CATSPERB: variants seen among roughly 807,000 people sequenced by gnomAD.
CATSPERB encodes the protein catsper channel auxiliary subunit beta.
Under a neutral mutation model 128.3 loss-of-function variants are expected in CATSPERB, and 93 were observed. The observed-to-expected ratio is 0.72, with a 90% confidence interval of 0.61 to 0.86. The LOEUF (loss-of-function observed/expected upper bound fraction) is 0.86. Ranked by LOEUF, CATSPERB falls within the 40% of genes least tolerant of loss-of-function variation. CATSPERB has a pLI of 0.00. For synonymous variants in CATSPERB, 381 were observed against 448.8 expected (o/e 0.85, Z 1.91); for missense variants, 1,153 against 1,329.5 (o/e 0.87, Z 2.06).
At chr14:91,626,707 C>T (rs1894171831) in intron 17 of CATSPERB, among the ~76,000 whole-genome samples, 1 of 152,092 alleles carries the variant, frequency 6.6e-6, no homozygotes. Flanking sequence ...TGTGGGCCCC[C>T]CAGTCTTGGA....
At chr14:91,604,802 G>A (rs1893669483) in intron 22 of CATSPERB, 4 of 1,605,278 alleles carry the variant, frequency 2.5e-6, no homozygotes, top group Non-Finnish European at 3.4e-6. Flanking sequence ...GCTGGGGTAG[G>A]TAGGTGCTGA....
chr14:91,731,659 C>G (rs1349156406), intron 1 of CATSPERB, among the ~76,000 whole-genome samples: 1 of 152,124 alleles, frequency 6.6e-6, no homozygotes, highest in Non-Finnish European at 1.5e-5. Context: ...CATCACACTC[C>G]CCTACTGACC....
intron 5 of CATSPERB, among the ~76,000 whole-genome samples, chr14:91,718,365 A>C (rs17127508): frequency 0.19 from 29,480 of 152,076 alleles, 3,624 homozygotes; most frequent in South Asian, 0.42. Flanking sequence ...TATCTATAGA[A>C]TCTTTTCCAT....
intron 26 of CATSPERB, among the ~76,000 whole-genome samples, chr14:91,583,068 C>T (rs1893234307): frequency 6.6e-6 from 1 of 152,186 alleles, no homozygotes; most frequent in South Asian, 2.1e-4. Context: ...ATCCAGAATG[C>T]CTTCCTTGTT....
chr14:91,672,123 T>G (rs1895106381), intron 13 of CATSPERB, among the ~76,000 whole-genome samples: 1 of 152,238 alleles, frequency 6.6e-6, no homozygotes, highest in Admixed American at 6.5e-5. Context: ...ACTGCACATG[T>G]AAATAAACTG....
At chr14:91,613,007 AACTG>A (rs1327581639) in intron 20 of CATSPERB, among the ~76,000 whole-genome samples, 3 of 152,210 alleles carry the variant, frequency 2.0e-5, no homozygotes, top group Non-Finnish European at 2.9e-5. Context: ...AGTTCAAACA[AACTG>A]ACTATAATTT....
chr14:91,585,442 C>T (rs1349381422), intron 26 of CATSPERB, among the ~76,000 whole-genome samples: 1 of 152,174 alleles, frequency 6.6e-6, no homozygotes, highest in Non-Finnish European at 1.5e-5. Context: ...GACTTGCTTT[C>T]AAGTTCACTG....
chr14:91,665,552 G>A (rs2139825688), intron 14 of CATSPERB, among the ~76,000 whole-genome samples: 1 of 152,178 alleles, frequency 6.6e-6, no homozygotes, highest in South Asian at 2.1e-4. Context: ...AACATTCAAG[G>A]GTCAAAGAAG....
At chr14:91,714,717 G>T (rs755777940) in intron 5 of CATSPERB, among the ~76,000 whole-genome samples, 1 of 151,672 alleles carries the variant, frequency 6.6e-6, no homozygotes. Flanking sequence ...CCTCCACTGC[G>T]CCCGGCTAAT....
At chr14:91,640,360 C>A (rs1168178547) in intron 15 of CATSPERB, among the ~76,000 whole-genome samples, 7 of 140,236 alleles carry the variant, frequency 5.0e-5, no homozygotes, top group Non-Finnish European at 7.7e-5. Context: ...CGTCATCTAG[C>A]ATTAGGTATA....
intron 16 of CATSPERB, 37 bp from the exon 17 acceptor site, chr14:91,636,616 AC>A (rs1566713558): frequency 6.6e-7 from 1 of 1,519,576 alleles, no homozygotes; most frequent in Non-Finnish European, 8.9e-7. Flanking sequence ...TATTTAAACT[AC>A]TTTATACTTC....
In CATSPERB at chr14:91,580,782, A is replaced by C. The variant is rs1893191223; in HGVS notation, c.*107T>G. 2.4e-6 allele frequency: 2 copies of C among 838,028 alleles called. No homozygotes were observed. The highest frequency in any genetic ancestry group is 3.5e-5 in the South Asian group (2 of 56,406). The allele number at this position is 838,028 out of a possible 1,614,324, so 51.9% of individuals were successfully genotyped here. Reference sequence around the variant, plus strand: ...AAGTAGCAATTTGAATTATAATGACAATTCTTTAGGATTTTATGTAGCTTG... The same window carrying C: ...AAGTAGCAATTTGAATTATAATGACCATTCTTTAGGATTTTATGTAGCTTG... On this transcript the variant is annotated 3_prime_UTR_variant, in exon 27 of 27. Coordinates refer to ENST00000256343, the MANE Select transcript of CATSPERB (RefSeq NM_024764.4).
chr14:91,721,380 A>G (rs1442262442), intron 4 of CATSPERB, among the ~76,000 whole-genome samples: 1 of 152,204 alleles, frequency 6.6e-6, no homozygotes, highest in Non-Finnish European at 1.5e-5. Context: ...AATCAAAAAC[A>G]CGAATACCCA....
At chr14:91,631,074 C>A (rs1894266865) in intron 17 of CATSPERB, among the ~76,000 whole-genome samples, 1 of 152,214 alleles carries the variant, frequency 6.6e-6, no homozygotes, top group Non-Finnish European at 1.5e-5. Flanking sequence ...TTCTTACTCC[C>A]TCTGTCACCA....
intron 5 of CATSPERB, among the ~76,000 whole-genome samples, chr14:91,717,583 G>C (rs1440594397): frequency 6.6e-6 from 1 of 152,128 alleles, no homozygotes; most frequent in East Asian, 1.9e-4. Context: ...AACATAGATA[G>C]AGTGTTTAGA....
chr14:91,729,494 AAG>A lies in CATSPERB; in HGVS notation c.1-17_1-16del. 7.1e-7 allele frequency: 1 copy of A among 1,400,912 alleles called. No individual in the cohort carries two copies. The highest frequency in any genetic ancestry group is 9.9e-7 in the Non-Finnish European group (1 of 1,006,410). 86.8% of individuals were successfully genotyped at this position (1,400,912 alleles called of 1,614,324 possible). ...GGCGATTCCATCTGTTGGAATAAATAAGAATTATTTTCACTCAATTTCTGAAC... is the reference window on the plus strand; with the variant it reads ...GGCGATTCCATCTGTTGGAATAAATAAATTATTTTCACTCAATTTCTGAAC... On this transcript the variant is annotated splice_polypyrimidine_tract_variant and intron_variant, in intron 1 of 26. Coordinates refer to ENST00000256343, the MANE Select transcript of CATSPERB (RefSeq NM_024764.4).
chr14:91,692,048 A>T (rs1895481088), intron 9 of CATSPERB, among the ~76,000 whole-genome samples: 1 of 151,978 alleles, frequency 6.6e-6, no homozygotes, highest in South Asian at 2.1e-4. Context: ...GTGGTGGTGC[A>T]TGTCTGTAAT....
chr14:91,603,887 C>T (rs1296009149), intron 22 of CATSPERB, among the ~76,000 whole-genome samples: 11 of 152,026 alleles, frequency 7.2e-5, no homozygotes, highest in African/African-American at 2.4e-4. Flanking sequence ...GATTACAATT[C>T]GACATGAGAT....
At chr14:91,663,241 A>G (rs1230429109) in intron 14 of CATSPERB, among the ~76,000 whole-genome samples, 3 of 152,134 alleles carry the variant, frequency 2.0e-5, no homozygotes, top group African/African-American at 4.8e-5. Context: ...CTTACAGGTG[A>G]GATTTTGGCC....
Sources: gnomAD v4.1 joint callset for allele counts (sites outside exome capture counted in the v4.1 genomes callset) on GRCh38, gnomAD v4.1.1 for gene constraint, MANE v1.5 for transcripts, NCBI Gene and HGNC (gene_info 2026-07-23, HGNC 2026-07-21) for gene names.